SGCZ: variants seen among roughly 807,000 people sequenced by gnomAD.
SGCZ encodes the protein zeta-sarcoglycan.
SGCZ carries 40 observed loss-of-function variants against 41.3 expected under a neutral mutation model. The observed-to-expected ratio is 0.97, with a 90% CI of 0.75 to 1.26. The LOEUF (loss-of-function observed/expected upper bound fraction) is 1.26. Among genes scored for constraint, SGCZ ranks in the 50% most tolerant of loss-of-function variants. The pLI, the probability that SGCZ is intolerant of heterozygous loss-of-function variation, is 0.00. For synonymous variants in SGCZ, 206 were observed against 137.5 expected, an observed-to-expected ratio of 1.50 and a Z score of -3.49; for missense variants, 552 against 369.8, an observed-to-expected ratio of 1.49 and a Z score of -4.04.
chr8:14,817,907 C>T (rs188378028), intron 1 of SGCZ, among the ~76,000 whole-genome samples: 32 of 152,318 alleles, frequency 2.1e-4, no homozygotes, highest in Non-Finnish European at 4.4e-5. Context: ...AACACTCACA[C>T]CTGGCTCAAC....
At chr8:14,615,197 C>A (rs1806059912) in intron 1 of SGCZ, among the ~76,000 whole-genome samples, 1 of 152,164 alleles carries the variant, frequency 6.6e-6, no homozygotes, top group South Asian at 2.1e-4. Flanking sequence ...GGCCCTTAAC[C>A]TGTTGACTCT....
chr8:14,591,357 T>C (rs1347543856), intron 1 of SGCZ, among the ~76,000 whole-genome samples: 2 of 152,002 alleles, frequency 1.3e-5, no homozygotes, highest in African/African-American at 4.8e-5. Flanking sequence ...ACAAATGAAT[T>C]GATATGTTAT....
intron 1 of SGCZ, among the ~76,000 whole-genome samples, chr8:14,927,016 A>C (rs1799776018): frequency 6.6e-6 from 1 of 152,040 alleles, no homozygotes; most frequent in South Asian, 2.1e-4. Flanking sequence ...CTATGGACAC[A>C]GTATATAGTC....
At chr8:14,706,736 T>G (rs753080399) in intron 1 of SGCZ, among the ~76,000 whole-genome samples, 1 of 152,112 alleles carries the variant, frequency 6.6e-6, no homozygotes, top group Non-Finnish European at 1.5e-5. Context: ...AACACTAAAG[T>G]AGTAAGCGTT....
At chr8:14,214,618 T>C (rs1231145674) in intron 4 of SGCZ, among the ~76,000 whole-genome samples, 1 of 152,140 alleles carries the variant, frequency 6.6e-6, no homozygotes, top group African/African-American at 2.4e-5. Context: ...TTCAGCTATA[T>C]TGTTTATGAG....
intron 1 of SGCZ, among the ~76,000 whole-genome samples, chr8:14,595,406 C>CAGAG (rs1554459951): frequency 2.4e-5 from 3 of 125,454 alleles, no homozygotes; most frequent in African/African-American, 9.1e-5. Context: ...CACAAACACA[C>CAGAG]ACACACACAC....
intron 1 of SGCZ, among the ~76,000 whole-genome samples, chr8:14,635,789 A>G (rs1390971277): frequency 6.6e-6 from 1 of 151,896 alleles, no homozygotes. Flanking sequence ...ATATCCCTGG[A>G]TGTTAAGTGC....
chr8:14,982,889 T>A (rs1801715367), intron 1 of SGCZ, among the ~76,000 whole-genome samples: 1 of 152,210 alleles, frequency 6.6e-6, no homozygotes, highest in Admixed American at 6.5e-5. Flanking sequence ...TAGCATTTAC[T>A]ATGTGCCATT....
At chr8:15,193,259 T>C (rs139788634) in intron 1 of SGCZ, among the ~76,000 whole-genome samples, 2 of 152,212 alleles carry the variant, frequency 1.3e-5, no homozygotes, top group Admixed American at 6.5e-5. Context: ...TTATCAAAAA[T>C]ATGGAAAGTT....
At chr8:14,635,371 C>T (rs1806795069) in intron 1 of SGCZ, among the ~76,000 whole-genome samples, 1 of 151,856 alleles carries the variant, frequency 6.6e-6, no homozygotes, top group Admixed American at 6.6e-5. Flanking sequence ...GCAATGATCT[C>T]ACTTAATCTA....
At chr8:14,980,309 T>C (rs2130878717) in intron 1 of SGCZ, among the ~76,000 whole-genome samples, 1 of 152,302 alleles carries the variant, frequency 6.6e-6, no homozygotes, top group Middle Eastern at 3.4e-3. Context: ...GAGTAACAAG[T>C]AAGAAGGAAT....
At chr8:14,672,439 T>C (rs1808134427) in intron 1 of SGCZ, among the ~76,000 whole-genome samples, 1 of 152,174 alleles carries the variant, frequency 6.6e-6, no homozygotes, top group Non-Finnish European at 1.5e-5. Flanking sequence ...GGTTGTTTTT[T>C]AAATTCATGT....
intron 1 of SGCZ, among the ~76,000 whole-genome samples, chr8:14,703,443 T>G (rs1286104450): frequency 6.6e-6 from 1 of 151,958 alleles, no homozygotes; most frequent in Non-Finnish European, 1.5e-5. Context: ...ATGAGAGATT[T>G]CCCTATCTAG....
At chr8:15,102,596 T>C (rs1344709019) in intron 1 of SGCZ, among the ~76,000 whole-genome samples, 1 of 152,176 alleles carries the variant, frequency 6.6e-6, no homozygotes, top group Non-Finnish European at 1.5e-5. Flanking sequence ...ATATTAATAC[T>C]AGGAGAAACT....
At chr8:14,619,398 C>G (rs1466667094) in intron 1 of SGCZ, among the ~76,000 whole-genome samples, 1 of 152,164 alleles carries the variant, frequency 6.6e-6, no homozygotes, top group African/African-American at 2.4e-5. Flanking sequence ...GATGCCCTCT[C>G]TCACCACTCC....
At chr8:14,370,470 G>C (rs1462207906) in intron 2 of SGCZ, among the ~76,000 whole-genome samples, 4 of 151,728 alleles carry the variant, frequency 2.6e-5, no homozygotes, top group African/African-American at 7.3e-5. Context: ...ATATGAAATT[G>C]ACTAAACTCT....
intron 1 of SGCZ, among the ~76,000 whole-genome samples, chr8:14,816,615 G>A (rs1049962952): frequency 4.6e-5 from 7 of 152,136 alleles, no homozygotes; most frequent in African/African-American, 1.7e-4. Flanking sequence ...GTTATACTAA[G>A]TTACTCTAGT....
chr8:14,358,238 T>C (rs1585402577), intron 2 of SGCZ, among the ~76,000 whole-genome samples: 1 of 152,206 alleles, frequency 6.6e-6, no homozygotes, highest in Non-Finnish European at 1.5e-5. Context: ...AAATATATTA[T>C]CGCATTTTGT....
chr8:15,165,074 G>C (rs532663766), intron 1 of SGCZ, among the ~76,000 whole-genome samples: 1 of 152,084 alleles, frequency 6.6e-6, no homozygotes, highest in South Asian at 2.1e-4. Context: ...GGCAGATCAC[G>C]AGGTCAGGAG....
Sources: gnomAD v4.1 joint callset for allele counts (sites outside exome capture counted in the v4.1 genomes callset) on GRCh38, gnomAD v4.1.1 for gene constraint, MANE v1.5 for transcripts, NCBI Gene and HGNC (gene_info 2026-07-23, HGNC 2026-07-21) for gene names.